The following GNAS variants were observed in gnomAD, a reference collection of about 807,000 sequenced individuals.
The protein encoded by GNAS is protein ALEX.
A neutral mutation model predicts 54.5 loss-of-function variants in GNAS; 8 were observed. That is an observed-to-expected ratio of 0.15 (90% confidence interval 0.09 to 0.26). The LOEUF is 0.26. GNAS is among the 10% of genes least tolerant of loss of function. The probability of loss-of-function intolerance (pLI) is 1.00; values close to 1 mark genes in which losing one functional copy is unlikely to be tolerated. For synonymous variants in GNAS, 204 were observed against 191.4 expected, an observed-to-expected ratio of 1.07 and a Z score of -0.54; for missense variants, 170 against 529.8, an observed-to-expected ratio of 0.32 and a Z score of 6.67.
At chr20:58,861,343 G>A (rs1379740304) in intron 1 of GNAS, among the ~76,000 whole-genome samples, 1 of 152,188 alleles carries the variant, frequency 6.6e-6, no homozygotes, top group African/African-American at 2.4e-5. Context: ...ATTAAGACAA[G>A]TCAACGGAGG....
At chr20:58,880,286 G>A (rs376772836) in intron 1 of GNAS, among the ~76,000 whole-genome samples, 7 of 152,230 alleles carry the variant, frequency 4.6e-5, no homozygotes, top group South Asian at 2.1e-4. Flanking sequence ...ATGCTGTTCC[G>A]AATCCATCTT....
Position 58,905,370 on chromosome 20 carries a change from T to C in GNAS, c.433-13T>C. On this transcript the variant is annotated splice_polypyrimidine_tract_variant and intron_variant, in intron 5 of 12. Transcript: ENST00000371085. ...TCTTGCCTTTCTCTAAACTTTCTTG[T>C]GTTCACTTTCAGGAATTCTATGAGC... 1.4e-6 allele frequency: 2 copies of C among 1,476,378 alleles called. No individual in the cohort carries two copies. The highest frequency in any genetic ancestry group is 1.9e-6 in the Non-Finnish European group (2 of 1,054,232). 91.5% of individuals were successfully genotyped at this position (1,476,378 alleles called of 1,614,324 possible).
chr20:58,883,526 C>CT (rs2088388907), intron 1 of GNAS, among the ~76,000 whole-genome samples: 1 of 152,146 alleles, frequency 6.6e-6, no homozygotes, highest in African/African-American at 2.4e-5. Context: ...ACGCTTGCCG[C>CT]TTGGGCTGAA....
At chr20:58,889,768 C>T (rs2088951400), upstream of GNAS, among the ~76,000 whole-genome samples, 1 of 145,180 alleles carries the variant, frequency 6.9e-6, no homozygotes. Context: ...CGGCGGGAAC[C>T]GCAGCCAAGC....
upstream of GNAS, chr20:58,891,408 C>T (rs1174521250): frequency 3.1e-5 from 9 of 289,568 alleles, no homozygotes; most frequent in Non-Finnish European, 4.5e-5. Flanking sequence ...GCGGCGGCGG[C>T]GGCAGCGGCG....
At chr20:58,840,368 C>G (rs2085670991), upstream of GNAS, 1 of 1,613,244 alleles carries the variant, frequency 6.2e-7, no homozygotes. The surrounding 1 kb of genome is among the most constrained non-coding windows in gnomAD (Gnocchi z 6.0). Flanking sequence ...TGACCACGAG[C>G]ACGAGGAGGC....
At chr20:58,898,515 C>T (rs6128457) in intron 2 of GNAS, 6 of 195,460 alleles carry the variant, frequency 3.1e-5, no homozygotes, top group Non-Finnish European at 6.4e-5. Flanking sequence ...CCGTTTATGC[C>T]TTTATGCCTT....
rs188743089 is a variant in GNAS at position 58,877,572 on chromosome 20, T to C, written c.44-18040T>C. Among the ~76,000 whole-genome samples, 4 of 152,258 alleles carry C rather than the reference T, an allele frequency of 2.6e-5. No individual in the cohort carries two copies. The East Asian group carries it at 5.8e-4, about 22-fold the overall frequency. On this transcript the variant is annotated intron_variant, in intron 1 of 12. Transcript: ENST00000306090. The stretch of plus-strand genomic sequence containing the variant: ...TGCTAAGTCAGGTGTGAGGTTGAAA[T>C]GGACACTTAAGGGCTTCAGAGCAGG...
intron 3 of GNAS, among the ~76,000 whole-genome samples, chr20:58,901,566 A>AC (rs1407174145): frequency 3.3e-5 from 2 of 60,434 alleles, no homozygotes; most frequent in African/African-American, 1.3e-4. Flanking sequence ...CCCCCTCCCC[A>AC]CCCCAGACAC....
At chr20:58,890,069 G>T (rs1247736299), upstream of GNAS, among the ~76,000 whole-genome samples, 1 of 151,746 alleles carries the variant, frequency 6.6e-6, no homozygotes, top group Non-Finnish European at 1.5e-5. Flanking sequence ...AGAACCCGGC[G>T]CGGGAGGCGC....
At chr20:58,877,844 C>A (rs1011035085) in intron 1 of GNAS, among the ~76,000 whole-genome samples, 5 of 152,150 alleles carry the variant, frequency 3.3e-5, no homozygotes, top group Admixed American at 1.3e-4. Flanking sequence ...CCAAAAGTGG[C>A]CTGAGAATTC....
rs1362148616 is a variant in GNAS at position 58,899,864 on chromosome 20, T to G, written c.257+879T>G. ...TTTAGGGCATCTCAAAGAAACAGCT[T>G]CTGTGGCCGGGGAGGGGAGGGGCAA... is the stretch of plus-strand genomic sequence containing the variant. On this transcript the variant is annotated intron_variant, in intron 3 of 12. Transcript: ENST00000371085. 50 of 709,858 alleles carry G rather than the reference T, an allele frequency of 7.0e-5. 1 individual carries two copies. The South Asian group carries it at 7.4e-4, about 10-fold the overall frequency. 44.0% of individuals were successfully genotyped at this position (709,858 alleles called of 1,614,324 possible). A position where few individuals can be genotyped will look rare whatever the true frequency, so the allele number is the denominator to read the frequency against.
chr20:58,903,489 A>G (rs767517697), intron 3 of GNAS, 42 bp from the exon 4 acceptor site: 10 of 1,510,072 alleles, frequency 6.6e-6, no homozygotes, highest in African/African-American at 1.4e-5. Context: ...CCTAACTGAC[A>G]TGGTGCAATA....
intron 1 of GNAS, among the ~76,000 whole-genome samples, chr20:58,872,589 C>G (rs1379074728): frequency 2.6e-5 from 4 of 152,122 alleles, no homozygotes; most frequent in Non-Finnish European, 5.9e-5. Flanking sequence ...TCCCATTCCC[C>G]CTCCCCACTT....
At chr20:58,872,476 T>C (rs951091419) in intron 1 of GNAS, among the ~76,000 whole-genome samples, 11 of 152,238 alleles carry the variant, frequency 7.2e-5, no homozygotes, top group African/African-American at 2.7e-4. Context: ...CCTTTGAATT[T>C]TACAAATCGA....
intron 1 of GNAS, chr20:58,885,044 A>G (rs2088494787): frequency 6.6e-6 from 1 of 152,254 alleles, no homozygotes. Flanking sequence ...TGTGCATCAT[A>G]TCATTTAGGC....
At chr20:58,897,235 A>G (rs1195985438) in intron 2 of GNAS, among the ~76,000 whole-genome samples, 1 of 152,226 alleles carries the variant, frequency 6.6e-6, no homozygotes, top group African/African-American at 2.4e-5. Flanking sequence ...TTAATTCTTG[A>G]CACACCCCTC....
intron 5 of GNAS, 28 bp downstream of exon 5, chr20:58,903,819 T>C: frequency 6.2e-7 from 1 of 1,613,572 alleles, no homozygotes; most frequent in Non-Finnish European, 8.5e-7. Context: ...TTGTGTGGCC[T>C]TAGCCCCGCC....
chr20:58,904,785 T>C (rs893438792), intron 5 of GNAS, among the ~76,000 whole-genome samples: 1 of 152,230 alleles, frequency 6.6e-6, no homozygotes, highest in Non-Finnish European at 1.5e-5. Flanking sequence ...AAACACAATA[T>C]GTATAATATA....
Sources: gnomAD v4.1 joint callset for allele counts (sites outside exome capture counted in the v4.1 genomes callset) on GRCh38, gnomAD v4.1.1 for gene constraint, Gnocchi (gnomAD v3.1) non-coding constraint, MANE v1.5 for transcripts, NCBI Gene and HGNC (gene_info 2026-07-23, HGNC 2026-07-21) for gene names.